The following GALK2 variants were observed in gnomAD, a reference collection of about 807,000 sequenced individuals.
GALK2 encodes N-acetylgalactosamine kinase.
A neutral mutation model predicts 52.4 loss-of-function variants in GALK2; 36 were observed. The ratio of observed to expected loss-of-function variants is 0.69; its 90% CI spans 0.53 to 0.91. GALK2 has a LOEUF of 0.91. Ranked by LOEUF, GALK2 falls within the 40% of genes least tolerant of loss-of-function variation. The pLI is 0.00. For synonymous variants in GALK2, 176 were observed against 199.1 expected (o/e 0.88, Z 0.98); for missense variants, 579 against 559.1 (o/e 1.04, Z -0.36).
chr15:49,323,600 C>G (rs1164973807), intron 9 of GALK2, among the ~76,000 whole-genome samples: 1 of 152,074 alleles, frequency 6.6e-6, no homozygotes, highest in African/African-American at 2.4e-5. Flanking sequence ...ACCTAGAATA[C>G]CTAAGTTGCT....
intron 3 of GALK2, among the ~76,000 whole-genome samples, chr15:49,362,633 T>C (rs954491130): frequency 2.0e-5 from 3 of 152,202 alleles, no homozygotes; most frequent in Non-Finnish European, 4.4e-5. Context: ...TAATTAGGTT[T>C]CATCTGTCAA....
intron 7 of GALK2, among the ~76,000 whole-genome samples, chr15:49,291,750 T>C (rs550889773): frequency 1.6e-4 from 25 of 152,188 alleles, no homozygotes; most frequent in Non-Finnish European, 2.6e-4. Context: ...GAGGAACATA[T>C]AGCTCTACTA....
chr15:49,330,220 A>G lies in GALK2; in HGVS notation c.*2061A>G, dbSNP rs2038393819. 6.6e-6 allele frequency: 1 copy of G among 152,232 alleles called. No homozygotes were observed. Among genetic ancestry groups the G allele is most frequent in the Non-Finnish European group, 1.5e-5 (1 of 68,068 alleles). The allele number at this position is 152,232 out of a possible 1,614,324, so 9.4% of individuals were successfully genotyped here. ...CATGGTGTGTGTAGGAGGCTCAGTG[A>G]GAGTGAAGGCTTTGCTTTGGTATGT... is the stretch of plus-strand genomic sequence containing the variant. On this transcript the variant is annotated 3_prime_UTR_variant, in exon 10 of 10. Transcript: ENST00000560031.
chr15:49,222,095 A>G lies in GALK2; in HGVS notation c.266+4782A>G, dbSNP rs367880903. Among the ~76,000 whole-genome samples the G allele has an allele frequency of 2.7e-4, 41 of 152,020 alleles. 1 individual carries two copies. The South Asian group carries it at 4.8e-3, about 18-fold the overall frequency. On this transcript the variant is annotated intron_variant, in intron 3 of 9. Coordinates refer to ENST00000560031, the MANE Select transcript of GALK2 (RefSeq NM_002044.4). The stretch of plus-strand genomic sequence containing the variant: ...TCAATTTCATTCATCAGTGTTTTCT[A>G]GTTTTCCTTAGAGATCTTTCATCTC...
chr15:49,179,648 C>CTTTTTTTT (rs1381124093), intron 1 of GALK2, among the ~76,000 whole-genome samples: 1 of 124,132 alleles, frequency 8.1e-6, no homozygotes, highest in African/African-American at 2.8e-5. Flanking sequence ...TTCTTTGTTT[C>CTTTTTTTT]TTTCTTTTTT....
At chr15:49,346,624 A>G (rs2041548526) in intron 3 of GALK2, among the ~76,000 whole-genome samples, 1 of 152,156 alleles carries the variant, frequency 6.6e-6, no homozygotes, top group African/African-American at 2.4e-5. Context: ...ATGAAGCTTC[A>G]GGAGGCTTTG....
intron 1 of GALK2, among the ~76,000 whole-genome samples, chr15:49,181,410 T>C (rs1441454332): frequency 6.6e-6 from 1 of 151,948 alleles, no homozygotes; most frequent in East Asian, 1.9e-4. Flanking sequence ...TGGCCAACTT[T>C]TAAATTTCTT....
chr15:49,313,703 G>A (rs1247869717), intron 8 of GALK2, among the ~76,000 whole-genome samples: 2 of 152,202 alleles, frequency 1.3e-5, no homozygotes, highest in Non-Finnish European at 2.9e-5. Context: ...AGTATTGGGT[G>A]CATAGCAGGT....
intron 3 of GALK2, among the ~76,000 whole-genome samples, chr15:49,234,494 G>T (rs2090680483): frequency 6.6e-6 from 1 of 152,160 alleles, no homozygotes; most frequent in Non-Finnish European, 1.5e-5. Flanking sequence ...GTTCCATATG[G>T]CGGGGGAAGC....
chr15:49,241,423 A>T (rs779817364), intron 5 of GALK2, among the ~76,000 whole-genome samples: 3 of 152,190 alleles, frequency 2.0e-5, no homozygotes, highest in Non-Finnish European at 4.4e-5. Context: ...TCCAGTAAGT[A>T]TGAGAAAAAC....
In GALK2 at chr15:49,239,265, A is replaced by G. The variant is rs758830352; in HGVS notation, c.402A>G (p.Val134=). Residue 134 remains valine (V), a synonymous_variant, in exon 5 of 10, where the codon GTA becomes GTG. Transcript: ENST00000560031. ...ACCTGACTGGAATGAACTGCCTGGT[A>G]GATGGAAATATCCCACCAAGTTCTG... is the stretch of plus-strand genomic sequence containing the variant. ...LSNLTGMNCL[V]DGNIPPSSGL... is the part of the protein sequence containing the mutation. The G allele has an allele frequency of 6.2e-7, 1 of 1,614,128 alleles. No homozygotes were observed. Among genetic ancestry groups the G allele is most frequent in the Non-Finnish European group, 8.5e-7 (1 of 1,179,962 alleles).
chr15:49,293,877 A>G (rs1167935980), intron 8 of GALK2, among the ~76,000 whole-genome samples: 1 of 151,954 alleles, frequency 6.6e-6, no homozygotes, highest in Non-Finnish European at 1.5e-5. Flanking sequence ...AGGTGGGTGG[A>G]TCACTTGAGG....
At chr15:49,358,630 A>C in intron 3 of GALK2, among the ~76,000 whole-genome samples, 1 of 149,838 alleles carries the variant, frequency 6.7e-6, no homozygotes, top group Non-Finnish European at 1.5e-5. Context: ...CATGGGTAGG[A>C]AGAATCAATA....
Position 49,160,731 on chromosome 15 carries a change from G to A in GALK2, c.20+4715G>A, listed in dbSNP as rs142610741. 2.3e-3 allele frequency among the ~76,000 whole-genome samples: 345 copies of A among 152,222 alleles called. 2 individuals are homozygous for A. The highest frequency in any genetic ancestry group is 7.8e-3 in the African/African-American group (325 of 41,530). On this transcript the variant is annotated intron_variant, in intron 1 of 9. Coordinates refer to the GALK2 transcript ENST00000327171. ...TACAAAATACAAAAATTAGCTGGGC[G>A]TGGTGGTGTGCGCCTGTAGTCCCAG... is the stretch of plus-strand genomic sequence containing the variant.
Position 49,235,844 on chromosome 15 carries a change from T to C in GALK2, c.267-7T>C. The C allele has an allele frequency of 6.3e-7, 1 of 1,599,726 alleles. No homozygotes were observed. The highest frequency in any genetic ancestry group is 8.6e-7 in the Non-Finnish European group (1 of 1,168,104). Reference sequence around the variant, plus strand: ...TTTTAAATTAATGGTGTCTTTTGTCTTCGCAGGGACTTCAGTACTAGTGCT... The same window carrying C: ...TTTTAAATTAATGGTGTCTTTTGTCCTCGCAGGGACTTCAGTACTAGTGCT... On this transcript the variant is annotated splice_region_variant and splice_polypyrimidine_tract_variant and intron_variant, in intron 3 of 9. Coordinates refer to ENST00000560031, the MANE Select transcript of GALK2 (RefSeq NM_002044.4).
chr15:49,258,823 T>A (rs867043368), intron 5 of GALK2, among the ~76,000 whole-genome samples: 48 of 140,106 alleles, frequency 3.4e-4, no homozygotes, highest in African/African-American at 5.0e-4. Context: ...TGTGTGTGTG[T>A]GTGTGTGAGA....
At chr15:49,333,256 T>C (rs186644580), downstream of GALK2, among the ~76,000 whole-genome samples, 643 of 152,306 alleles carry the variant, frequency 4.2e-3, 3 homozygotes, top group Non-Finnish European at 7.0e-3. Context: ...TTACTAATCC[T>C]CCCTCTTTCT....
At chr15:49,212,284 G>C (rs1377659694) in intron 2 of GALK2, among the ~76,000 whole-genome samples, 1 of 151,930 alleles carries the variant, frequency 6.6e-6, no homozygotes, top group African/African-American at 2.4e-5. Context: ...GTAGAGATGG[G>C]GTTTCACCCT....
At chr15:49,234,746 G>A (rs767187308) in intron 3 of GALK2, among the ~76,000 whole-genome samples, 3 of 151,892 alleles carry the variant, frequency 2.0e-5, no homozygotes, top group Non-Finnish European at 4.4e-5. Context: ...TTTGAGTGGG[G>A]ACACAGCCAA....
Sources: allele counts gnomAD v4.1 joint callset (sites outside exome capture counted in the v4.1 genomes callset), GRCh38; gene constraint gnomAD v4.1.1; transcripts MANE v1.5; gene names NCBI Gene and HGNC (gene_info 2026-07-23, HGNC 2026-07-21).